Variants in HS6ST3 observed in about 807,000 individuals in gnomAD.
HS6ST3 encodes the protein heparan-sulfate 6-O-sulfotransferase 3.
In HS6ST3, 12 loss-of-function variants were observed where a neutral mutation model predicts 36.7. The observed-to-expected ratio is 0.33, with a 90% CI of 0.21 to 0.53. The LOEUF is 0.53. Ranked by LOEUF, HS6ST3 falls within the 20% of genes least tolerant of loss-of-function variation. The pLI, the probability that HS6ST3 is intolerant of heterozygous loss-of-function variation, is 0.95. For missense variants in HS6ST3, 584 were observed against 640.9 expected (o/e 0.91, Z 0.96); for synonymous variants, 240 against 257.5 (o/e 0.93, Z 0.65).
chr13:96,761,659 A>G (rs1489870368), intron 1 of HS6ST3, among the ~76,000 whole-genome samples: 3 of 152,178 alleles, frequency 2.0e-5, no homozygotes, highest in African/African-American at 7.2e-5. Flanking sequence ...TCTAGTTCAT[A>G]TCTTCACAAT....
rs114764330 is a variant in HS6ST3 at position 96,741,616 on chromosome 13, G to A, written c.708-90874G>A. ...GCTTAGTCTTCATCTAAGGGAGGTT[G>A]CTTGATAAAAATACAAATCCCAAGA... On this transcript the variant is annotated intron_variant, in intron 1 of 1. Transcript: ENST00000376705. Among the ~76,000 whole-genome samples the A allele has an allele frequency of 9.5e-3, 1,447 of 152,212 alleles. 18 individuals carry two copies. Among genetic ancestry groups the A allele is most frequent in the African/African-American group, 0.033 (1,364 of 41,536 alleles).
intron 1 of HS6ST3, among the ~76,000 whole-genome samples, chr13:96,097,166 T>G (rs549759047): frequency 1.1e-3 from 167 of 152,330 alleles, no homozygotes; most frequent in Non-Finnish European, 2.0e-3. Context: ...TTCTGCCTTC[T>G]TCCTGATGGT....
intron 1 of HS6ST3, among the ~76,000 whole-genome samples, chr13:96,733,709 C>A (rs1876215204): frequency 6.6e-6 from 1 of 152,162 alleles, no homozygotes; most frequent in African/African-American, 2.4e-5. Context: ...TTGTGAATGT[C>A]ATAGATAATG....
intron 1 of HS6ST3, among the ~76,000 whole-genome samples, chr13:96,507,372 G>A (rs1026682530): frequency 1.3e-5 from 2 of 152,124 alleles, no homozygotes; most frequent in African/African-American, 4.8e-5. Flanking sequence ...TGCCTTTTCA[G>A]TAATGAACAA....
rs184975500 is a variant in HS6ST3 at position 96,105,604 on chromosome 13, C to T, written c.707+14035C>T. On this transcript the variant is annotated intron_variant, in intron 1 of 1. Coordinates refer to ENST00000376705, the MANE Select transcript of HS6ST3 (RefSeq NM_153456.4). ...GGCGGAAGTTGCAGTGAGCTGAAAT[C>T]GCGCCACTGCACTCCAGCCTGGGTG... Among the ~76,000 whole-genome samples, 82 of 152,096 alleles carry T rather than the reference C, an allele frequency of 5.4e-4. No individual in the cohort carries two copies. The East Asian group carries it at 0.011, about 21-fold the overall frequency.
intron 1 of HS6ST3, among the ~76,000 whole-genome samples, chr13:96,160,552 T>C (rs1227978491): frequency 1.3e-5 from 2 of 152,188 alleles, no homozygotes; most frequent in African/African-American, 4.8e-5. Context: ...GAGGTAGTGA[T>C]TGATTTTAAG....
At position 96,390,794 on chromosome 13, in the gene HS6ST3, G is replaced by C. The variant is rs78621659; in HGVS notation, c.707+299225G>C. ...GTCCAGGCTGTATCACCTCTGGGTA[G>C]ATGCTTGCTGCAGCCTCTTAATTGA... On this transcript the variant is annotated intron_variant, in intron 1 of 1. Transcript: ENST00000376705. Among the ~76,000 whole-genome samples the C allele has an allele frequency of 9.2e-3, 1,406 of 152,248 alleles. 14 individuals carry two copies. The highest frequency in any genetic ancestry group is 0.032 in the African/African-American group (1,341 of 41,542).
chr13:96,145,006 T>C (rs2054050231), intron 1 of HS6ST3, among the ~76,000 whole-genome samples: 2 of 151,626 alleles, frequency 1.3e-5, no homozygotes, highest in East Asian at 1.9e-4. Flanking sequence ...CATAGTATTC[T>C]GTGGTGTATA....
chr13:96,818,893 AT>A (rs1292647964), intron 1 of HS6ST3, among the ~76,000 whole-genome samples: 1 of 152,250 alleles, frequency 6.6e-6, no homozygotes, highest in Non-Finnish European at 1.5e-5. Context: ...CCACATCCAT[AT>A]TGAATAAACT....
At position 96,424,411 on chromosome 13, in the gene HS6ST3, C is replaced by T. The variant is rs530524421; in HGVS notation, c.707+332842C>T. On this transcript the variant is annotated intron_variant, in intron 1 of 1. Coordinates refer to ENST00000376705, the MANE Select transcript of HS6ST3 (RefSeq NM_153456.4). ...ATATTATACACATTAAATGGGCACA[C>T]GATTTGTTTTTGACAAACATCCTTT... 7.7e-4 allele frequency among the ~76,000 whole-genome samples: 117 copies of T among 152,322 alleles called. No homozygotes were observed. The Middle Eastern group carries it at 0.014, about 18-fold the overall frequency.
At chr13:96,826,005 T>C (rs9516767) in intron 1 of HS6ST3, among the ~76,000 whole-genome samples, 7,797 of 152,250 alleles carry the variant, frequency 0.051, 224 homozygotes, top group Middle Eastern at 0.12. Context: ...GAACCCTCAA[T>C]AAGCATGTGT....
intron 1 of HS6ST3, among the ~76,000 whole-genome samples, chr13:96,826,685 G>C (rs551327244): frequency 6.6e-6 from 1 of 152,324 alleles, no homozygotes; most frequent in African/African-American, 2.4e-5. Flanking sequence ...TTCAACGTGA[G>C]AGAAGGCAAT....
rs138618637 is a variant in HS6ST3 at position 96,152,286 on chromosome 13, A to G, written c.707+60717A>G. ...AGTTGAGACTGTTTCTAGCTGAGAT[A>G]CTAAAGTATATTTCCAACTGGCCCC... On this transcript the variant is annotated intron_variant, in intron 1 of 1. Coordinates refer to ENST00000376705, the MANE Select transcript of HS6ST3 (RefSeq NM_153456.4). Among the ~76,000 whole-genome samples the G allele has an allele frequency of 8.1e-4, 121 of 148,726 alleles. 2 individuals carry two copies. In the East Asian group the frequency reaches 0.019, roughly 23 times the overall value.
chr13:96,188,853 T>C (rs1185413179), intron 1 of HS6ST3, among the ~76,000 whole-genome samples: 2 of 152,136 alleles, frequency 1.3e-5, no homozygotes, highest in Non-Finnish European at 2.9e-5. Context: ...TGAATATGAG[T>C]ATCTAGGTTA....
intron 1 of HS6ST3, among the ~76,000 whole-genome samples, chr13:96,445,814 G>A (rs933804184): frequency 6.6e-6 from 1 of 152,034 alleles, no homozygotes; most frequent in Non-Finnish European, 1.5e-5. Flanking sequence ...GTTGCAGTGA[G>A]CCAAGATCAT....
intron 1 of HS6ST3, among the ~76,000 whole-genome samples, chr13:96,215,754 G>T (rs559134062): frequency 6.6e-6 from 1 of 152,018 alleles, no homozygotes; most frequent in South Asian, 2.1e-4. Context: ...ATAGTGTCAC[G>T]GTTAGGATAT....
intron 1 of HS6ST3, among the ~76,000 whole-genome samples, chr13:96,740,218 A>G (rs1208781343): frequency 6.6e-6 from 1 of 152,160 alleles, no homozygotes; most frequent in Non-Finnish European, 1.5e-5. Flanking sequence ...GTTCACTCTC[A>G]TATGCCCCGA....
At chr13:96,415,944 G>T (rs894931479) in intron 1 of HS6ST3, among the ~76,000 whole-genome samples, 8 of 152,154 alleles carry the variant, frequency 5.3e-5, no homozygotes, top group African/African-American at 1.9e-4. Context: ...TTAAAACTGA[G>T]AATAATTTTC....
chr13:96,735,284 T>C (rs566165059), intron 1 of HS6ST3, among the ~76,000 whole-genome samples: 1 of 152,036 alleles, frequency 6.6e-6, no homozygotes, highest in East Asian at 1.9e-4. Flanking sequence ...TTTATAAACC[T>C]AAGAAGAGTT....
Sources: gnomAD v4.1 joint callset for allele counts (sites outside exome capture counted in the v4.1 genomes callset) on GRCh38, gnomAD v4.1.1 for gene constraint, MANE v1.5 for transcripts, NCBI Gene and HGNC (gene_info 2026-07-23, HGNC 2026-07-21) for gene names.